DLC1: variants seen among roughly 807,000 people sequenced by gnomAD.
The protein encoded by DLC1 is rho GTPase-activating protein 7.
In DLC1, 54 loss-of-function variants were observed where a neutral mutation model predicts 140.3. The observed-to-expected ratio is 0.38, with a 90% confidence interval of 0.31 to 0.48. The LOEUF is 0.48. Ranked by LOEUF, DLC1 falls within the 20% of genes least tolerant of loss-of-function variation. DLC1 has a pLI of 0.96. For synonymous variants in DLC1, 986 were observed against 728.1 expected (o/e 1.35, Z -5.70); for missense variants, 2,536 against 1,907.0 (o/e 1.33, Z -6.14).
At chr8:13,548,240 A>C (rs891294056) in intron 1 of DLC1, among the ~76,000 whole-genome samples, 1 of 152,010 alleles carries the variant, frequency 6.6e-6, no homozygotes, top group Non-Finnish European at 1.5e-5. Flanking sequence ...ACCCGACCCT[A>C]CACCTCACTA....
At chr8:13,511,683 G>C (rs1481177565) in intron 1 of DLC1, among the ~76,000 whole-genome samples, 1 of 152,000 alleles carries the variant, frequency 6.6e-6, no homozygotes. Flanking sequence ...AAATTTGAAA[G>C]TTTTCAGTGT....
chr8:13,453,387 G>T (rs866751519), intron 2 of DLC1, among the ~76,000 whole-genome samples: 5 of 52,448 alleles, frequency 9.5e-5, no homozygotes, highest in Middle Eastern at 0.027. Context: ...GATGGCCCAG[G>T]ATATATATAT....
At chr8:13,459,126 T>C (rs917480172) in intron 2 of DLC1, among the ~76,000 whole-genome samples, 17 of 152,246 alleles carry the variant, frequency 1.1e-4, no homozygotes, top group African/African-American at 4.1e-4. Context: ...GCAGCACTTC[T>C]AAAAATTCTC....
chr8:13,470,592 T>G (rs185325095), intron 2 of DLC1, among the ~76,000 whole-genome samples: 56 of 152,238 alleles, frequency 3.7e-4, no homozygotes, highest in African/African-American at 1.3e-3. Context: ...GTTGGGATGG[T>G]TATTAGAATA....
chr8:13,267,093 C>G (rs1830717645), intron 5 of DLC1, among the ~76,000 whole-genome samples: 1 of 152,166 alleles, frequency 6.6e-6, no homozygotes, highest in South Asian at 2.1e-4. Context: ...CTTCTTGTAA[C>G]AGCACAAAAG....
In DLC1 at chr8:13,310,091, C is replaced by G. The variant is rs538828220; in HGVS notation, c.1315-4789G>C. ...ATTAAGAAGGACCTTATAGGCCAATCTCTTCAAACAACTGGCAGCTATGAT... is the reference window on the plus strand; with the variant it reads ...ATTAAGAAGGACCTTATAGGCCAATGTCTTCAAACAACTGGCAGCTATGAT... On this transcript the variant is annotated intron_variant, in intron 4 of 17. Coordinates refer to ENST00000276297, the MANE Select transcript of DLC1 (RefSeq NM_182643.3). Among the ~76,000 whole-genome samples the G allele has an allele frequency of 9.2e-4, 140 of 152,318 alleles. 1 individual carries two copies. Among genetic ancestry groups the G allele is most frequent in the African/African-American group, 3.3e-3 (138 of 41,562 alleles).
intron 5 of DLC1, among the ~76,000 whole-genome samples, chr8:13,206,109 A>G (rs540732007): frequency 6.6e-6 from 1 of 152,284 alleles, no homozygotes; most frequent in East Asian, 1.9e-4. Context: ...ATATTCTGTG[A>G]TTTCTCCTGT....
intron 17 of DLC1, 92 bp downstream of exon 17, chr8:13,086,198 C>T (rs771214545): frequency 2.4e-5 from 36 of 1,483,478 alleles, no homozygotes; most frequent in Admixed American, 6.5e-5. Context: ...GAAAAAATGA[C>T]GTGTTTGTTT....
intron 2 of DLC1, among the ~76,000 whole-genome samples, chr8:13,436,105 T>C (rs756531465): frequency 1.3e-5 from 2 of 152,258 alleles, no homozygotes; most frequent in Non-Finnish European, 2.9e-5. Flanking sequence ...AACTTTTATA[T>C]GCACTGGGAA....
intron 2 of DLC1, among the ~76,000 whole-genome samples, chr8:13,411,558 C>T (rs1469391028): frequency 6.6e-6 from 1 of 152,128 alleles, no homozygotes; most frequent in African/African-American, 2.4e-5. Flanking sequence ...GTGATACTGA[C>T]ATGTCATTGT....
chr8:13,565,722 G>A (rs1037471956), intron 1 of DLC1, among the ~76,000 whole-genome samples: 1 of 152,124 alleles, frequency 6.6e-6, no homozygotes, highest in African/African-American at 2.4e-5. Flanking sequence ...ACAAAACTGA[G>A]AAAGAAGGGT....
At chr8:13,180,010 T>C (rs1373151076) in intron 5 of DLC1, among the ~76,000 whole-genome samples, 1 of 152,108 alleles carries the variant, frequency 6.6e-6, no homozygotes, top group Non-Finnish European at 1.5e-5. Flanking sequence ...ATCATTGGCT[T>C]TGTGATATCA....
At chr8:13,569,175 T>C (rs1481501310) in intron 1 of DLC1, among the ~76,000 whole-genome samples, 1 of 152,182 alleles carries the variant, frequency 6.6e-6, no homozygotes, top group East Asian at 1.9e-4. Flanking sequence ...ATTATCTATT[T>C]CCTCTATAAA....
At chr8:13,340,909 G>A (rs879476320) in intron 4 of DLC1, 5 of 152,172 alleles carry the variant, frequency 3.3e-5, no homozygotes, top group Non-Finnish European at 5.9e-5. Context: ...CAATTGCAAG[G>A]GAATTATTCC....
intron 7 of DLC1, among the ~76,000 whole-genome samples, chr8:13,104,254 C>G (rs1018081250): frequency 3.3e-5 from 5 of 151,056 alleles, no homozygotes; most frequent in South Asian, 2.1e-4. Context: ...AACAGCCATC[C>G]TATTGTCATT....
rs187966584 is a variant in DLC1 at position 13,325,548 on chromosome 8, G to A, written c.1315-20246C>T. Among the ~76,000 whole-genome samples the A allele has an allele frequency of 5.3e-3, 812 of 152,218 alleles. 10 individuals are homozygous for A. The highest frequency in any genetic ancestry group is 0.019 in the African/African-American group (778 of 41,534). ...GCTGGTTGATGAGTGGGTAGTTTCT[G>A]AAGCCTGATCCTAAGGCAGAGACAT... On this transcript the variant is annotated intron_variant, in intron 4 of 17. Coordinates refer to ENST00000276297, the MANE Select transcript of DLC1 (RefSeq NM_182643.3).
rs1804973645 is a variant in DLC1, at chr8:13,579,345, ATATATATATATATATATTTTTAT to A, written c.-126+25169_-126+25191del. On this transcript the variant is annotated intron_variant, in intron 1 of 1. Coordinates refer to the DLC1 transcript ENST00000631382. ...TATATATATATATATATATATATAT[ATATATATATATATATATTTTTAT>A]ATAATACATATTTATATATTATATA... Among the ~76,000 whole-genome samples the A allele has an allele frequency of 3.9e-5, 2 of 51,474 alleles. 1 individual carries two copies. The highest frequency in any genetic ancestry group is 1.9e-4 in the African/African-American group (2 of 10,444). The allele number at this position is 51,474 out of a possible 152,430, so 33.8% of individuals were successfully genotyped here.
chr8:13,255,803 T>G (rs1419342816), intron 5 of DLC1, among the ~76,000 whole-genome samples: 1 of 152,224 alleles, frequency 6.6e-6, no homozygotes, highest in Non-Finnish European at 1.5e-5. Flanking sequence ...ACGCTCGTCT[T>G]TGCAGCAATT....
At chr8:13,128,923 C>CAAATTATGATGGCAAGGCAGAAT (rs780610195) in intron 5 of DLC1, among the ~76,000 whole-genome samples, 2 of 151,894 alleles carry the variant, frequency 1.3e-5, no homozygotes, top group African/African-American at 2.4e-5. Context: ...CAAGGCAGAA[C>CAAATTATGATGGCAAGGCAGAAT]ATTAATTATG....
Sources: gnomAD v4.1 joint callset for allele counts (sites outside exome capture counted in the v4.1 genomes callset) on GRCh38, gnomAD v4.1.1 for gene constraint, MANE v1.5 for transcripts, NCBI Gene and HGNC (gene_info 2026-07-23, HGNC 2026-07-21) for gene names.